ACBD5: variants seen among roughly 807,000 people sequenced by gnomAD.
ACBD5 encodes acyl-CoA binding domain containing 5, also known as acyl-CoA-binding domain-containing protein 5.
In ACBD5, 40 loss-of-function variants were observed where a neutral mutation model predicts 71.8. The ratio of observed to expected loss-of-function variants is 0.56; its 90% CI spans 0.43 to 0.72. The LOEUF (loss-of-function observed/expected upper bound fraction) is 0.72. Among genes scored for constraint, ACBD5 ranks in the 30% least tolerant of loss-of-function variants. The probability of loss-of-function intolerance (pLI) is 0.00; values close to 1 mark genes in which losing one functional copy is unlikely to be tolerated. For synonymous variants in ACBD5, 229 were observed against 218.6 expected (o/e 1.05, Z -0.42); for missense variants, 559 against 644.5 (o/e 0.87, Z 1.44).
At position 27,231,786 on chromosome 10, in the gene ACBD5, CT is replaced by C; in HGVS notation, c.336del (p.Glu113ArgfsTer4). Reference protein sequence around the residue: ...DAWSSLGDMTKEEAMIAYVEE... With the variant: ...DAWSSLGDMTXEEAMIAYVEE... The stretch of plus-strand genomic sequence containing the variant: ...TCAACATATGCAATCATGGCTTCCT[CT>C]TTGGTCATATCACCCAGTGAACTCC... On this transcript the variant is annotated frameshift_variant, in exon 4 of 13. Transcript: ENST00000396271. LOFTEE classifies it high-confidence loss of function. The C allele has an allele frequency of 2.5e-6, 4 of 1,613,854 alleles. No individual in the cohort carries two copies. The highest frequency in any genetic ancestry group is 3.4e-6 in the Non-Finnish European group (4 of 1,179,968).
intron 12 of ACBD5, among the ~76,000 whole-genome samples, chr10:27,203,162 A>G (rs1262127197): frequency 6.6e-6 from 1 of 151,280 alleles, no homozygotes; most frequent in South Asian, 2.1e-4. Context: ...AATTTTTTAA[A>G]TTTTTTGTGG....
chr10:27,208,501 T>C, intron 9 of ACBD5, 56 bp from the exon 10 acceptor site: 2 of 1,571,754 alleles, frequency 1.3e-6, no homozygotes, highest in South Asian at 1.1e-5. Flanking sequence ...CAAGTAAAAC[T>C]GTGTTTTATT....
intron 5 of ACBD5, 173 bp downstream of exon 5, chr10:27,223,165 T>A: frequency 1.4e-6 from 1 of 720,742 alleles, no homozygotes; most frequent in East Asian, 2.7e-5. Context: ...TTTTGACATG[T>A]AAATTTTAAA....
intron 10 of ACBD5, among the ~76,000 whole-genome samples, chr10:27,206,484 G>A (rs561239350): frequency 1.4e-4 from 21 of 151,998 alleles, no homozygotes; most frequent in Non-Finnish European, 2.6e-4. Flanking sequence ...AGATGTGGTG[G>A]TGTGCACCTG....
chr10:27,227,317 A>G (rs2063206995), intron 4 of ACBD5, among the ~76,000 whole-genome samples: 2 of 152,096 alleles, frequency 1.3e-5, no homozygotes. Context: ...ACATGATGAA[A>G]ATATACTGGA....
chr10:27,225,357 A>G (rs1317152328), intron 4 of ACBD5, among the ~76,000 whole-genome samples: 2 of 152,208 alleles, frequency 1.3e-5, no homozygotes, highest in Non-Finnish European at 2.9e-5. Flanking sequence ...TTGGTGGTCT[A>G]TGGTAGTCAG....
At position 27,240,731 on chromosome 10, in the gene ACBD5, G is replaced by A. The variant is rs1381035587; in HGVS notation, c.-43C>T. 46 of 1,550,154 alleles carry A rather than the reference G, an allele frequency of 3.0e-5. No individual in the cohort carries two copies. The highest frequency in any genetic ancestry group is 4.0e-5 in the Non-Finnish European group (46 of 1,146,966). The stretch of plus-strand genomic sequence containing the variant: ...GGGGGTCCGGGCATCGGTGGCCGCG[G>A]AGCCGCTCTCCCACCCTGGGGACCC... On this transcript the variant is annotated 5_prime_UTR_variant, in exon 1 of 13. Transcript: ENST00000396271. This position sits in a 1 kb window ranked among gnomAD's most constrained non-coding sequence, Gnocchi z 4.1.
chr10:27,208,969 G>C (rs977654976), intron 9 of ACBD5, among the ~76,000 whole-genome samples: 5 of 152,016 alleles, frequency 3.3e-5, no homozygotes, highest in Admixed American at 6.6e-5. Context: ...TTTTGCTAAG[G>C]TTCTATAATA....
rs12415448 is a variant in ACBD5, at chr10:27,199,991, A to G, written c.1566-2549T>C. On this transcript the variant is annotated intron_variant, in intron 12 of 12. Transcript: ENST00000396271. Reference sequence around the variant, plus strand: ...GCGACAGAGCAAGACTGTCGCAAAGAAAAAAAAAAAAGGAAAACTGGTTAG... The same window carrying G: ...GCGACAGAGCAAGACTGTCGCAAAGGAAAAAAAAAAAGGAAAACTGGTTAG... Among the ~76,000 whole-genome samples, 25 of 146,148 alleles carry G rather than the reference A, an allele frequency of 1.7e-4. No individual in the cohort carries two copies. The South Asian group carries it at 4.1e-3, about 24-fold the overall frequency.
chr10:27,188,614 C>G (rs2058915968), intron 13 of ACBD5, among the ~76,000 whole-genome samples: 1 of 152,172 alleles, frequency 6.6e-6, no homozygotes, highest in Non-Finnish European at 1.5e-5. Context: ...AAGACAATGG[C>G]CTTGAGTGGA....
At chr10:27,230,837 TCA>T (rs766580208) in intron 4 of ACBD5, among the ~76,000 whole-genome samples, 35 of 147,298 alleles carry the variant, frequency 2.4e-4, no homozygotes, top group Non-Finnish European at 4.9e-4. Context: ...TCTTTAAAAT[TCA>T]TGATTTCTTC....
intron 13 of ACBD5, chr10:27,186,252 CTG>C: frequency 1.0e-6 from 1 of 973,332 alleles, no homozygotes; most frequent in Non-Finnish European, 1.6e-6. Context: ...AAACAAATGT[CTG>C]TGAAACTGAC....
chr10:27,186,825 AT>A (rs2058788218), intron 13 of ACBD5: 1 of 385,326 alleles, frequency 2.6e-6, no homozygotes, highest in Non-Finnish European at 4.8e-6. Flanking sequence ...AGAGGACACT[AT>A]TGAGAGTGAG....
At chr10:27,194,839 T>G (rs2059251519), downstream of ACBD5, among the ~76,000 whole-genome samples, 2 of 150,144 alleles carry the variant, frequency 1.3e-5, no homozygotes, top group African/African-American at 4.9e-5. Context: ...CTACTAAAAA[T>G]ACAAAAATTA....
At chr10:27,231,683 C>G in intron 4 of ACBD5, 65 bp downstream of exon 4, 2 of 1,408,714 alleles carry the variant, frequency 1.4e-6, no homozygotes, top group East Asian at 4.6e-5. Flanking sequence ...GCTAATTTGT[C>G]TGATAACCAA....
In ACBD5 at chr10:27,209,027, A is replaced by G. The variant is rs567447727; in HGVS notation, c.1205-582T>C. Among the ~76,000 whole-genome samples the G allele has an allele frequency of 2.0e-4, 31 of 152,292 alleles. No individual in the cohort carries two copies. The South Asian group carries it at 6.4e-3, about 32-fold the overall frequency. On this transcript the variant is annotated intron_variant, in intron 9 of 12. Transcript: ENST00000396271. Reference sequence around the variant, plus strand: ...TGCAAATAATTCACAAATAATACACATATTTGGAGTGCCTGCTCAAAAATT... The same window carrying G: ...TGCAAATAATTCACAAATAATACACGTATTTGGAGTGCCTGCTCAAAAATT...
chr10:27,236,802 T>C (rs921356946), intron 2 of ACBD5, among the ~76,000 whole-genome samples: 3 of 150,584 alleles, frequency 2.0e-5, no homozygotes, highest in Admixed American at 6.7e-5. Flanking sequence ...ACAGAATTGC[T>C]TGAACCTGGA....
Position 27,223,519 on chromosome 10 carries a change from TA to T in ACBD5, c.376-68del, listed in dbSNP as rs59068315. ...TAATTTGATCTCCACTAATATCAAA[TA>T]ATCTCCTATTTCCAATTTGTCAATA... On this transcript the variant is annotated intron_variant, in intron 4 of 12. Transcript: ENST00000396271. The T allele has an allele frequency of 0.041, 46,177 of 1,118,850 alleles. 1,828 individuals are homozygous for T. The highest frequency in any genetic ancestry group is 0.17 in the African/African-American group (11,138 of 65,430). 69.3% of individuals were successfully genotyped at this position (1,118,850 alleles called of 1,614,324 possible). A position where few individuals can be genotyped will look rare whatever the true frequency, so the allele number is the denominator to read the frequency against.
At chr10:27,225,727 G>C (rs2062931920) in intron 4 of ACBD5, among the ~76,000 whole-genome samples, 1 of 151,992 alleles carries the variant, frequency 6.6e-6, no homozygotes, top group African/African-American at 2.4e-5. Flanking sequence ...TGTTTAATGT[G>C]ACCAAGTCAC....
Sources: allele counts gnomAD v4.1 joint callset (sites outside exome capture counted in the v4.1 genomes callset), GRCh38; gene constraint gnomAD v4.1.1; non-coding constraint Gnocchi (gnomAD v3.1); transcripts MANE v1.5; gene names NCBI Gene and HGNC (gene_info 2026-07-23, HGNC 2026-07-21).